ARAP1: variants seen among roughly 807,000 people sequenced by gnomAD.
ARAP1 encodes the protein arf-GAP with Rho-GAP domain, ANK repeat and PH domain-containing protein 1.
ARAP1 carries 76 observed loss-of-function variants against 172.2 expected under a neutral mutation model. That is an observed-to-expected ratio of 0.44 (90% confidence interval 0.37 to 0.53). ARAP1 has a LOEUF of 0.53. Among genes scored for constraint, ARAP1 ranks in the 20% least tolerant of loss-of-function variants. The pLI, the probability that ARAP1 is intolerant of heterozygous loss-of-function variation, is 0.00. For missense variants in ARAP1, 1,686 were observed against 1,977.5 expected (o/e 0.85, Z 2.80); for synonymous variants, 804 against 803.3 (o/e 1.00, Z -0.01).
chr11:72,697,777 C>T, intron 19 of ARAP1, 128 bp from the exon 20 acceptor site: 2 of 1,518,148 alleles, frequency 1.3e-6, no homozygotes, highest in Non-Finnish European at 1.8e-6. Flanking sequence ...GAGATGCACC[C>T]CAAGGACATG....
intron 5 of ARAP1, 195 bp downstream of exon 5, chr11:72,712,981 C>A: frequency 1.6e-6 from 1 of 642,430 alleles, no homozygotes; most frequent in Non-Finnish European, 2.7e-6. Context: ...CACACCAGAG[C>A]CCCGACCCCT....
intron 30 of ARAP1, among the ~76,000 whole-genome samples, chr11:72,691,082 C>G (rs1244320597): frequency 1.3e-5 from 2 of 152,232 alleles, no homozygotes; most frequent in African/African-American, 4.8e-5. Context: ...GTCCTCAAGT[C>G]TGAGACTTCC....
rs143371904 is a variant in ARAP1, at chr11:72,710,530, C to G, written c.1271G>C (p.Arg424Pro). Residue 424 changes from arginine (R) to proline (P), a missense_variant, in exon 10 of 35, where the codon CGG (arginine) becomes CCG (proline). Around this residue, in one of 5 missense-constraint regions of ARAP1, gnomAD observed 688 missense variants for 856.9 expected, o/e 0.80. Coordinates refer to ENST00000393609, the MANE Select transcript of ARAP1 (RefSeq NM_001040118.3). This position sits in a 1 kb window ranked among gnomAD's most constrained non-coding sequence, Gnocchi z 4.3. ...LQQAMAEQRA[R>P]ARLSSAYLLG... Reference sequence around the variant, plus strand: ...CAGATAAGCGCTAGAGAGCCGGGCCCGGGCACGCTGCTCAGCCATGGCCTG... The same window carrying G: ...CAGATAAGCGCTAGAGAGCCGGGCCGGGGCACGCTGCTCAGCCATGGCCTG... 1 of 1,613,236 alleles carries G rather than the reference C, an allele frequency of 6.2e-7. No homozygotes were observed. The highest frequency in any genetic ancestry group is 1.3e-5 in the African/African-American group (1 of 75,016).
intron 1 of ARAP1, among the ~76,000 whole-genome samples, chr11:72,738,045 C>T (rs1025348440): frequency 2.6e-5 from 4 of 152,178 alleles, no homozygotes; most frequent in Admixed American, 2.0e-4. Context: ...CTTCAGAGGA[C>T]GTGACTGCTT....
chr11:72,706,907 C>T (rs1856791146), intron 12 of ARAP1, among the ~76,000 whole-genome samples: 1 of 152,256 alleles, frequency 6.6e-6, no homozygotes, highest in South Asian at 2.1e-4. Context: ...GGGCTCAAAT[C>T]TGGGCTCACT....
rs148460325 is a variant in ARAP1, at chr11:72,698,749, G to A, written c.2541+256C>T. ...AAGATGGCTCTGACTGTCATTCACT[G>A]TTAAACACTTATTGAGCACCTATGG... On this transcript the variant is annotated intron_variant, in intron 18 of 34. Transcript: ENST00000393609. 2.1e-3 allele frequency among the ~76,000 whole-genome samples: 324 copies of A among 152,288 alleles called. 2 individuals are homozygous for A. The highest frequency in any genetic ancestry group is 7.5e-3 in the African/African-American group (313 of 41,564).
chr11:72,702,163 G>A (rs949057776), intron 15 of ARAP1, among the ~76,000 whole-genome samples: 3 of 152,232 alleles, frequency 2.0e-5, no homozygotes, highest in African/African-American at 7.2e-5. Context: ...GAAGCTCAAG[G>A]TGGCAGCCTG....
intron 1 of ARAP1, among the ~76,000 whole-genome samples, chr11:72,751,265 C>A (rs2135600549): frequency 6.6e-6 from 1 of 152,294 alleles, no homozygotes; most frequent in South Asian, 2.1e-4. Context: ...CTGCCAGCCA[C>A]ACCCACCTTT....
At chr11:72,749,440 CA>C (rs2135598578) in intron 1 of ARAP1, among the ~76,000 whole-genome samples, 1 of 152,306 alleles carries the variant, frequency 6.6e-6, no homozygotes, top group Non-Finnish European at 1.5e-5. Context: ...ACCTCATTCT[CA>C]CTGATGTTAT....
rs149283425 is a variant in ARAP1 at position 72,695,392 on chromosome 11, T to A, written c.3571A>T (p.Ile1191Phe). 167 of 1,614,086 alleles carry A rather than the reference T, an allele frequency of 1.0e-4. No individual in the cohort carries two copies. The highest frequency in any genetic ancestry group is 1.3e-4 in the Non-Finnish European group (156 of 1,180,038). ...EEKKAETEQH[I>F]KVPASMTAEE... ...TTCTAGGTCCCAGCACCTACCTTGA[T>A]ATGCTGCTCAGTCTCTGCCTTCTTC... The change falls in exon 26 of 35, where the codon ATC (isoleucine) becomes TTC (phenylalanine). Residue 1191 changes from isoleucine (I) to phenylalanine (F), a missense_variant. Physicochemically the swap from Ile to Phe is conservative, Grantham distance 21. Transcript: ENST00000393609. The surrounding 1 kb of genome is among the most constrained non-coding windows in gnomAD (Gnocchi z 4.4).
chr11:72,747,086 G>C (rs1402912385), intron 1 of ARAP1, among the ~76,000 whole-genome samples: 1 of 152,192 alleles, frequency 6.6e-6, no homozygotes, highest in Admixed American at 6.5e-5. Flanking sequence ...CACTGGCCTG[G>C]CCAGAAGGAG....
Position 72,698,047 on chromosome 11 carries a change from G to T in ARAP1, c.2601C>A (p.Arg867=). Residue 867 remains arginine (R), a synonymous_variant, in exon 19 of 35, where the codon CGC becomes CGA. Transcript: ENST00000393609. ...LLARDFERLG[R]LPYKAGLSLQ... is the part of the protein sequence containing the mutation. The stretch of plus-strand genomic sequence containing the variant: ...GGCTCAGGCCAGCTTTGTAGGGTAG[G>T]CGTCCCAGCCGCTCAAAATCCCGGG... The T allele has an allele frequency of 6.2e-7, 1 of 1,608,062 alleles. No individual in the cohort carries two copies. Among genetic ancestry groups the T allele is most frequent in the Non-Finnish European group, 8.5e-7 (1 of 1,177,852 alleles).
intron 1 of ARAP1, among the ~76,000 whole-genome samples, chr11:72,745,337 T>G (rs189124147): frequency 6.7e-6 from 1 of 149,636 alleles, no homozygotes. Flanking sequence ...TACAGGCGCC[T>G]GCCACCACGT....
chr11:72,701,021 G>A (rs1346867104), intron 16 of ARAP1, among the ~76,000 whole-genome samples: 1 of 152,152 alleles, frequency 6.6e-6, no homozygotes, highest in Non-Finnish European at 1.5e-5. Flanking sequence ...GGAGAGATGG[G>A]GGGTGCTATT....
chr11:72,704,362 G>A, intron 13 of ARAP1, 28 bp from the exon 14 acceptor site: 1 of 1,523,088 alleles, frequency 6.6e-7, no homozygotes. Flanking sequence ...AGGTCAGACG[G>A]GCCAGCTGAC....
chr11:72,722,630 G>A (rs1463894177), intron 3 of ARAP1, among the ~76,000 whole-genome samples: 9 of 152,194 alleles, frequency 5.9e-5, no homozygotes, highest in Admixed American at 5.9e-4. Context: ...GGGATTGGCT[G>A]GACTGCAGGG....
At position 72,710,107 on chromosome 11, in the gene ARAP1, AC is replaced by A. The variant is rs1357301575; in HGVS notation, c.1417-132del. Reference sequence around the variant, plus strand: ...GTGCCCAGGAGGGAGACAGCAGGGGACATGGGAGGCTGGGCAGGGTAAGGGG... The same window carrying A: ...GTGCCCAGGAGGGAGACAGCAGGGGAATGGGAGGCTGGGCAGGGTAAGGGG... On this transcript the variant is annotated intron_variant, in intron 10 of 34. Coordinates refer to ENST00000393609, the MANE Select transcript of ARAP1 (RefSeq NM_001040118.3). This position sits in a 1 kb window ranked among gnomAD's most constrained non-coding sequence, Gnocchi z 4.3. 1.2e-6 allele frequency: 1 copy of A among 861,422 alleles called. No homozygotes were observed. The allele number at this position is 861,422 out of a possible 1,614,324, so 53.4% of individuals were successfully genotyped here.
intron 1 of ARAP1, among the ~76,000 whole-genome samples, chr11:72,735,450 G>GC (rs1191575710): frequency 6.6e-6 from 1 of 152,030 alleles, no homozygotes; most frequent in Admixed American, 6.5e-5. Context: ...CAAAAAATTA[G>GC]CTGGGCATGG....
rs1857176067 is a variant in ARAP1 at position 72,714,274 on chromosome 11, G to A, written c.557C>T (p.Pro186Leu). The A allele has an allele frequency of 1.9e-6, 3 of 1,543,038 alleles. No individual in the cohort carries two copies. Among genetic ancestry groups the A allele is most frequent in the Admixed American group, 2.0e-5 (1 of 48,912 alleles). The change falls in exon 4 of 35, where the codon CCT becomes CTT. Residue 186 changes from proline (P) to leucine (L), a missense_variant. Pro to Leu is a moderately conservative substitution (Grantham distance 98). Transcript: ENST00000393609. ...EESLLPSLSS[P>L]PQPQSEEPLS... ...GGGCTCCTCAGACTGTGGCTGGGGA[G>A]GGGATGATAATGATGGCAGCAATGA...
Sources: gnomAD v4.1 joint callset for allele counts (sites outside exome capture counted in the v4.1 genomes callset) on GRCh38, gnomAD v4.1.1 for gene constraint, gnomAD v4.1.1 regional missense constraint, Gnocchi (gnomAD v3.1) non-coding constraint, MANE v1.5 for transcripts, NCBI Gene and HGNC (gene_info 2026-07-23, HGNC 2026-07-21) for gene names.